Variants in OLFML2B observed in about 807,000 individuals in gnomAD.
OLFML2B encodes the protein olfactomedin like 2B.
A neutral mutation model predicts 74.9 loss-of-function variants in OLFML2B; 57 were observed. That is an observed-to-expected ratio of 0.76 (90% CI 0.61 to 0.95). OLFML2B has a LOEUF of 0.95. Ranked by LOEUF, OLFML2B falls within the 40% of genes least tolerant of loss-of-function variation. The pLI, the probability that OLFML2B is intolerant of heterozygous loss-of-function variation, is 0.00. For synonymous variants in OLFML2B, 388 were observed against 405.8 expected, an observed-to-expected ratio of 0.96 and a Z score of 0.53; for missense variants, 986 against 970.6, an observed-to-expected ratio of 1.02 and a Z score of -0.21.
At position 161,984,213 on chromosome 1, in the gene OLFML2B, T is replaced by C; in HGVS notation, c.1715A>G (p.Asn572Ser). 6.3e-7 allele frequency: 1 copy of C among 1,574,814 alleles called. No homozygotes were observed. The highest frequency in any genetic ancestry group is 8.6e-7 in the Non-Finnish European group (1 of 1,161,120). Residue 572 changes from asparagine (N) to serine (S), a missense_variant, in exon 8 of 8, where the codon AAT becomes AGT. Transcript: ENST00000294794. The stretch of plus-strand genomic sequence containing the variant: ...GGCGCGATTGTAGTAGAAGGCGCCA[T>C]TGTATACCACGTGGCCTGTGCCGAT... Reference protein sequence around the residue: ...SWIGTGHVVYNGAFYYNRAFT... With the variant: ...SWIGTGHVVYSGAFYYNRAFT...
Position 161,997,743 on chromosome 1 carries a change from T to A in OLFML2B, c.1474+82A>T, listed in dbSNP as rs1448311847. 5 of 1,446,366 alleles carry A rather than the reference T, an allele frequency of 3.5e-6. No homozygotes were observed. In the East Asian group the frequency reaches 9.2e-5, roughly 27 times the overall value. The allele number at this position is 1,446,366 out of a possible 1,614,324, so 89.6% of individuals were successfully genotyped here. On this transcript the variant is annotated intron_variant, in intron 6 of 7. Coordinates refer to ENST00000294794, the MANE Select transcript of OLFML2B (RefSeq NM_015441.3). Reference sequence around the variant, plus strand: ...TAAAGAACTTTGACCATCTGGTGCCTCCCTCTCCTCTCAAGATATTTCCAG... The same window carrying A: ...TAAAGAACTTTGACCATCTGGTGCCACCCTCTCCTCTCAAGATATTTCCAG...
rs1280776850 is a variant in OLFML2B, at chr1:161,984,091, G to A, written c.1837C>T (p.Arg613Ter). 2 of 1,612,236 alleles carry A rather than the reference G, an allele frequency of 1.2e-6. No individual in the cohort carries two copies. The highest frequency in any genetic ancestry group is 8.5e-7 in the Non-Finnish European group (1 of 1,178,754). ...TCCACGTCTGAGTGGCCCTGCCATC[G>A]CCAGGGGGTGGCCTCCTCGTAGGCC... ...DVAYEEATPW[R>*]WQGHSDVDFA... The change falls in exon 8 of 8, where the codon CGA becomes TGA. Residue 613 changes from arginine to a stop codon, truncating the protein, a stop_gained. Coordinates refer to ENST00000294794, the MANE Select transcript of OLFML2B (RefSeq NM_015441.3). LOFTEE classifies it high-confidence loss of function.
At chr1:161,989,266 G>C (rs1469346824) in intron 6 of OLFML2B, among the ~76,000 whole-genome samples, 2 of 152,120 alleles carry the variant, frequency 1.3e-5, no homozygotes, top group African/African-American at 4.8e-5. Flanking sequence ...AGCCCTTCCT[G>C]CATCACCATT....
chr1:161,990,931 G>T (rs1689724234), intron 6 of OLFML2B, among the ~76,000 whole-genome samples: 1 of 152,180 alleles, frequency 6.6e-6, no homozygotes, highest in African/African-American at 2.4e-5. Context: ...TCCATATCAA[G>T]AAACCACTTT....
chr1:162,022,244 C>CTTTTTTTTTTTTTTTT (rs56395023), intron 1 of OLFML2B, among the ~76,000 whole-genome samples: 5 of 70,740 alleles, frequency 7.1e-5, no homozygotes, highest in East Asian at 3.7e-4. Flanking sequence ...TGTATCTCTT[C>CTTTTTTTTTTTTTTTT]TTTTTTTTTT....
In OLFML2B at chr1:161,998,417, G is replaced by A. The variant is rs561374924; in HGVS notation, c.950-68C>T. Reference sequence around the variant, plus strand: ...CAACCTACAGATGACAAGAGCACATGGCAATGAGCAGGTGAATTAGAGGGT... The same window carrying A: ...CAACCTACAGATGACAAGAGCACATAGCAATGAGCAGGTGAATTAGAGGGT... On this transcript the variant is annotated intron_variant, in intron 5 of 7. Coordinates refer to ENST00000294794, the MANE Select transcript of OLFML2B (RefSeq NM_015441.3). 5.4e-5 allele frequency: 81 copies of A among 1,493,142 alleles called. 2 individuals are homozygous for A. In the South Asian group the frequency reaches 9.6e-4, roughly 18 times the overall value. 92.5% of individuals were successfully genotyped at this position (1,493,142 alleles called of 1,614,324 possible).
At chr1:162,012,426 G>T (rs564280682) in intron 3 of OLFML2B, among the ~76,000 whole-genome samples, 1 of 152,246 alleles carries the variant, frequency 6.6e-6, no homozygotes, top group Non-Finnish European at 1.5e-5. Flanking sequence ...CTTTAGGTGT[G>T]GGGGAGAAGC....
chr1:162,010,522 T>C (rs890841704), intron 3 of OLFML2B, among the ~76,000 whole-genome samples: 1 of 152,174 alleles, frequency 6.6e-6, no homozygotes, highest in Non-Finnish European at 1.5e-5. Flanking sequence ...ACAAGCCATG[T>C]AGGGCCAGCA....
At chr1:162,011,378 T>G (rs1016200562) in intron 3 of OLFML2B, among the ~76,000 whole-genome samples, 4 of 152,120 alleles carry the variant, frequency 2.6e-5, no homozygotes, top group Admixed American at 6.5e-5. Context: ...GGCTCGTAGT[T>G]CCCATCAGCT....
chr1:161,983,934 C>T lies in OLFML2B; in HGVS notation c.1994G>A (p.Arg665His), dbSNP rs372811871. Reference sequence around the variant, plus strand: ...GTAGAAATTCCTCCGGAGCCCCGTGCGCCATGTGGTCTCCTTCTGTGTGCT... The same window carrying T: ...GTAGAAATTCCTCCGGAGCCCCGTGTGCCATGTGGTCTCCTTCTGTGTGCT... ...DLSTQKETTW[R>H]TGLRRNFYGN... is the part of the protein sequence containing the mutation. Residue 665 changes from arginine (R) to histidine (H), a missense_variant, in exon 8 of 8, where the codon CGC becomes CAC. Transcript: ENST00000294794. 9 of 1,614,104 alleles carry T rather than the reference C, an allele frequency of 5.6e-6. No homozygotes were observed. Among genetic ancestry groups the T allele is most frequent in the Non-Finnish European group, 7.6e-6 (9 of 1,180,042 alleles).
Position 162,000,264 on chromosome 1 carries a change from G to A in OLFML2B, c.798C>T (p.Pro266=). ...ACTTCACCACCTCAGGCAGAGCCAG[G>A]GGTCGCGTCTGCAGAAGTTCGATGG... ...INSIELLQTR[P]LALPEVVKSQ... Residue 266 remains proline, a synonymous_variant, in exon 5 of 8, where the codon CCC becomes CCT. Transcript: ENST00000294794. The A allele has an allele frequency of 6.2e-7, 1 of 1,613,676 alleles. No homozygotes were observed. The highest frequency in any genetic ancestry group is 1.1e-5 in the South Asian group (1 of 91,064).
In OLFML2B at chr1:161,983,225, A is replaced by G. The variant is rs1129590; in HGVS notation, c.*450T>C. 0.42 allele frequency: 64,365 copies of G among 151,736 alleles called. 17,422 individuals are homozygous for G. Among genetic ancestry groups the G allele is most frequent in the Middle Eastern group, 0.61 (179 of 294 alleles). 9.4% of individuals were successfully genotyped at this position (151,736 alleles called of 1,614,324 possible). On this transcript the variant is annotated 3_prime_UTR_variant, in exon 8 of 8. Transcript: ENST00000294794. The stretch of plus-strand genomic sequence containing the variant: ...AATTTCTTCTTTATTAAAAAAAAAA[A>G]GCGTTTTTCTGGGTTTTTTAAAACT...
At chr1:162,020,570 A>G (rs1424618276) in intron 1 of OLFML2B, among the ~76,000 whole-genome samples, 1 of 150,264 alleles carries the variant, frequency 6.7e-6, no homozygotes, top group Non-Finnish European at 1.5e-5. Flanking sequence ...TCTGTTGCCC[A>G]GACTGGAGTG....
chr1:162,004,745 C>T (rs1290553748), intron 4 of OLFML2B, among the ~76,000 whole-genome samples: 1 of 152,184 alleles, frequency 6.6e-6, no homozygotes, highest in East Asian at 1.9e-4. Flanking sequence ...GCAATGCTTC[C>T]CAAAAGTTCT....
Position 162,000,203 on chromosome 1 carries a change from C to A in OLFML2B, c.859G>T (p.Gly287Cys). Residue 287 changes from glycine (G) to cysteine (C), a missense_variant, in exon 5 of 8, where the codon GGC (glycine) becomes TGC (cysteine). By Grantham distance (159) the Gly-to-Cys change is radical. Transcript: ENST00000294794. Reference sequence around the variant, plus strand: ...ACAGTGGGCTGGGAGGCCGGCCGGCCTCTCAGGTGGACCTGCCTCTGCAGG... The same window carrying A: ...ACAGTGGGCTGGGAGGCCGGCCGGCATCTCAGGTGGACCTGCCTCTGCAGG... ...RPLQRQVHLR[G>C]RPASQPTVIR... is the part of the protein sequence containing the mutation. 3.1e-6 allele frequency: 5 copies of A among 1,613,888 alleles called. No individual in the cohort carries two copies. Among genetic ancestry groups the A allele is most frequent in the Non-Finnish European group, 4.2e-6 (5 of 1,179,942 alleles).
Position 161,995,315 on chromosome 1 carries a change from G to A in OLFML2B, c.1474+2510C>T, listed in dbSNP as rs1407595336. Among the ~76,000 whole-genome samples, 5 of 152,138 alleles carry A rather than the reference G, an allele frequency of 3.3e-5. No homozygotes were observed. In the East Asian group the frequency reaches 5.8e-4, roughly 18 times the overall value. Reference sequence around the variant, plus strand: ...GTCCATGTCTATTTCTTCTGCAGTCGACATAAGAGGTGAGAACCCCAGCTC... The same window carrying A: ...GTCCATGTCTATTTCTTCTGCAGTCAACATAAGAGGTGAGAACCCCAGCTC... On this transcript the variant is annotated intron_variant, in intron 6 of 7. Transcript: ENST00000294794.
intron 3 of OLFML2B, among the ~76,000 whole-genome samples, chr1:162,008,790 G>A (rs1690300186): frequency 6.6e-6 from 1 of 152,208 alleles, no homozygotes; most frequent in Non-Finnish European, 1.5e-5. Flanking sequence ...GCCCTAAGTG[G>A]AGAAAGCTTG....
intron 6 of OLFML2B, among the ~76,000 whole-genome samples, chr1:161,987,704 C>T (rs1689628772): frequency 6.6e-6 from 1 of 152,132 alleles, no homozygotes; most frequent in South Asian, 2.1e-4. Context: ...AATTTGGAGG[C>T]ATAGGAAATG....
chr1:161,984,708 C>A, intron 7 of OLFML2B, 96 bp downstream of exon 7: 1 of 1,295,152 alleles, frequency 7.7e-7, no homozygotes. Flanking sequence ...GTCATCCTTC[C>A]TATCCGTCAT....
Sources: allele counts gnomAD v4.1 joint callset (sites outside exome capture counted in the v4.1 genomes callset), GRCh38; gene constraint gnomAD v4.1.1; transcripts MANE v1.5; gene names NCBI Gene and HGNC (gene_info 2026-07-23, HGNC 2026-07-21).